Variants in KCNS3 observed in about 807,000 individuals in gnomAD.
KCNS3 encodes the protein potassium voltage-gated channel modifier subfamily S member 3.
In KCNS3, 13 loss-of-function variants were observed where a neutral mutation model predicts 31.0. The ratio of observed to expected loss-of-function variants is 0.42; its 90% CI spans 0.27 to 0.67. KCNS3 has a LOEUF of 0.67. Ranked by LOEUF, KCNS3 falls within the 30% of genes least tolerant of loss-of-function variation. KCNS3 has a pLI of 0.25. For missense variants in KCNS3, 545 were observed against 622.4 expected (o/e 0.88, Z 1.32); for synonymous variants, 238 against 241.5 (o/e 0.99, Z 0.13).
intron 1 of KCNS3, among the ~76,000 whole-genome samples, chr2:17,879,150 CA>C (rs1174959669): frequency 1.3e-5 from 2 of 152,134 alleles, no homozygotes; most frequent in African/African-American, 2.4e-5. Context: ...GGGCTATGGT[CA>C]GGGGGAGGAC....
intron 2 of KCNS3, among the ~76,000 whole-genome samples, chr2:17,921,647 G>A (rs1662705456): frequency 6.6e-6 from 1 of 151,904 alleles, no homozygotes; most frequent in East Asian, 1.9e-4. Context: ...GGGGAAGCAA[G>A]CACATCTTAC....
chr2:17,921,464 GA>G (rs1163204290), intron 2 of KCNS3, among the ~76,000 whole-genome samples: 7 of 151,922 alleles, frequency 4.6e-5, no homozygotes, highest in Admixed American at 3.9e-4. Flanking sequence ...AATTAACAAT[GA>G]TTTTTTTTAT....
intron 2 of KCNS3, among the ~76,000 whole-genome samples, chr2:17,919,008 TTG>T (rs1279011079): frequency 2.6e-5 from 4 of 152,236 alleles, no homozygotes; most frequent in African/African-American, 9.6e-5. Context: ...GGGGCCCCTC[TTG>T]TGGTAAAGTC....
rs373533582 is a variant in KCNS3, at chr2:17,893,206, T to A, written c.-252+14400T>A. Among the ~76,000 whole-genome samples the A allele has an allele frequency of 8.8e-4, 134 of 152,258 alleles. No individual in the cohort carries two copies. The Middle Eastern group carries it at 0.014, about 16-fold the overall frequency. On this transcript the variant is annotated intron_variant, in intron 1 of 2. Coordinates refer to ENST00000304101, the MANE Select transcript of KCNS3 (RefSeq NM_002252.5). ...GGTTTTCAGTTAAGTGGGGGAAAGC[T>A]GGCAGTCACTGGCCTCACCCAGTTC...
At chr2:17,902,361 T>A (rs1440669036) in intron 1 of KCNS3, among the ~76,000 whole-genome samples, 1 of 151,192 alleles carries the variant, frequency 6.6e-6, no homozygotes, top group African/African-American at 2.4e-5. Flanking sequence ...TGTGTGTGTG[T>A]GTGTGTGTGT....
chr2:17,925,227 T>C (rs1474168410), intron 2 of KCNS3, among the ~76,000 whole-genome samples: 2 of 152,192 alleles, frequency 1.3e-5, no homozygotes, highest in Non-Finnish European at 2.9e-5. Flanking sequence ...TATACCCTCC[T>C]CTTTTTTGGA....
At chr2:17,915,448 G>A (rs1269912762) in intron 1 of KCNS3, among the ~76,000 whole-genome samples, 1 of 152,104 alleles carries the variant, frequency 6.6e-6, no homozygotes, top group African/African-American at 2.4e-5. Flanking sequence ...GTCATGTTCT[G>A]CTCACTCCCC....
At chr2:17,888,709 G>T (rs1427404920) in intron 1 of KCNS3, among the ~76,000 whole-genome samples, 1 of 129,488 alleles carries the variant, frequency 7.7e-6, no homozygotes, top group Admixed American at 8.0e-5. Flanking sequence ...TTATGTTTTT[G>T]TTTGCTTTGT....
At chr2:17,895,428 A>G (rs960766963) in intron 1 of KCNS3, among the ~76,000 whole-genome samples, 5 of 152,230 alleles carry the variant, frequency 3.3e-5, no homozygotes, top group Admixed American at 3.3e-4. Context: ...TAGAAAAACA[A>G]CAGCTTAGTC....
chr2:17,900,226 T>C (rs540359269), intron 1 of KCNS3, among the ~76,000 whole-genome samples: 1 of 152,256 alleles, frequency 6.6e-6, no homozygotes, highest in East Asian at 1.9e-4. Flanking sequence ...TAGGCCTACC[T>C]TTGCAGAGCT....
chr2:17,879,405 C>G (rs953991914), intron 1 of KCNS3: 1 of 152,374 alleles, frequency 6.6e-6, no homozygotes, highest in African/African-American at 2.4e-5. Context: ...ACCCAGGGCC[C>G]TTGCTCTCGT....
intron 1 of KCNS3, among the ~76,000 whole-genome samples, chr2:17,908,273 T>C (rs1662384546): frequency 6.6e-6 from 1 of 152,256 alleles, no homozygotes; most frequent in African/African-American, 2.4e-5. Flanking sequence ...GCTTGTGCAT[T>C]CGTCATGTAG....
intron 1 of KCNS3, among the ~76,000 whole-genome samples, chr2:17,911,134 C>T (rs1662462982): frequency 6.6e-6 from 1 of 152,234 alleles, no homozygotes. Flanking sequence ...GACTCTACCT[C>T]TTCTGAACTT....
chr2:17,904,915 T>C (rs1269531766), intron 1 of KCNS3, among the ~76,000 whole-genome samples: 2 of 152,326 alleles, frequency 1.3e-5, no homozygotes, highest in East Asian at 1.9e-4. Context: ...CTTTGTTCTT[T>C]GGGCTTAGGA....
intron 1 of KCNS3, among the ~76,000 whole-genome samples, chr2:17,890,316 T>C (rs1269909893): frequency 6.6e-6 from 1 of 152,210 alleles, no homozygotes; most frequent in African/African-American, 2.4e-5. Flanking sequence ...TTCTCTCTTC[T>C]TTTCTAGGTT....
At chr2:17,925,284 C>CTGA (rs1456255371) in intron 2 of KCNS3, among the ~76,000 whole-genome samples, 1 of 152,174 alleles carries the variant, frequency 6.6e-6, no homozygotes, top group Non-Finnish European at 1.5e-5. Flanking sequence ...AACCTTAGGA[C>CTGA]TGATAGTGCA....
intron 1 of KCNS3, among the ~76,000 whole-genome samples, chr2:17,879,646 G>T (rs143774937): frequency 1.3e-5 from 2 of 152,274 alleles, no homozygotes; most frequent in Non-Finnish European, 2.9e-5. Context: ...CTGGCTGGGC[G>T]CCTTTCGCAT....
chr2:17,920,963 A>G (rs1052398041), intron 2 of KCNS3, among the ~76,000 whole-genome samples: 1 of 152,244 alleles, frequency 6.6e-6, no homozygotes, highest in Non-Finnish European at 1.5e-5. Flanking sequence ...AACGTTGGGC[A>G]AATTCTGAGC....
At chr2:17,898,652 C>T (rs1411021426) in intron 1 of KCNS3, among the ~76,000 whole-genome samples, 1 of 152,146 alleles carries the variant, frequency 6.6e-6, no homozygotes, top group Non-Finnish European at 1.5e-5. Flanking sequence ...AGTTTAAAGA[C>T]TAATCTCCTA....
Sources: allele counts gnomAD v4.1 joint callset (sites outside exome capture counted in the v4.1 genomes callset), GRCh38; gene constraint gnomAD v4.1.1; transcripts MANE v1.5; gene names NCBI Gene and HGNC (gene_info 2026-07-23, HGNC 2026-07-21).